NPHS1: variants seen among roughly 807,000 people sequenced by gnomAD.
NPHS1 encodes nephrin.
NPHS1 carries 107 observed loss-of-function variants against 139.7 expected under a neutral mutation model. That is an observed-to-expected ratio of 0.77 (90% CI 0.66 to 0.90). NPHS1 has a LOEUF of 0.90. Among genes scored for constraint, NPHS1 ranks in the 40% least tolerant of loss-of-function variants. The pLI is 0.00. For synonymous variants in NPHS1, 707 were observed against 706.6 expected (o/e 1.00, Z -0.01); for missense variants, 1,580 against 1,654.2 (o/e 0.96, Z 0.78).
chr19:35,833,921 C>A (rs1457735941), intron 23 of NPHS1, among the ~76,000 whole-genome samples: 1 of 152,096 alleles, frequency 6.6e-6, no homozygotes, highest in Non-Finnish European at 1.5e-5. Context: ...AGGTTTGTCT[C>A]CAACGTCTGG....
chr19:35,851,645 G>C lies in NPHS1; in HGVS notation c.86C>G (p.Ser29Cys). The C allele has an allele frequency of 6.2e-7, 1 of 1,613,790 alleles. No individual in the cohort carries two copies. Among genetic ancestry groups the C allele is most frequent in the Non-Finnish European group, 8.5e-7 (1 of 1,179,880 alleles). ...EGLAQLAIPA[S>C]VPRGFWALPE... is the part of the protein sequence containing the mutation. ...CAGGGCCCAGAAGCCCCGGGGAACG[G>C]AGGCAGGAATCGCCAACTGCGCCAG... Residue 29 changes from serine to cysteine, a missense_variant, in exon 2 of 29, where the codon TCC (serine) becomes TGC (cysteine). Physicochemically the swap from Ser to Cys is moderately radical, Grantham distance 112. Transcript: ENST00000378910.
At chr19:35,843,830 T>C in intron 16 of NPHS1, 1 of 650,432 alleles carries the variant, frequency 1.5e-6, no homozygotes, top group South Asian at 1.9e-5. Context: ...GAATTGTGTG[T>C]GTAGCAGGGC....
At chr19:35,843,738 G>A in intron 16 of NPHS1, 145 bp from the exon 17 acceptor site, 1 of 1,047,606 alleles carries the variant, frequency 9.5e-7, no homozygotes, top group Non-Finnish European at 1.4e-6. Flanking sequence ...AAGGGTTGGA[G>A]GAGAGTTCTC....
intron 16 of NPHS1, 163 bp from the exon 17 acceptor site, chr19:35,843,756 G>A (rs1354620686): frequency 4.6e-6 from 4 of 878,884 alleles, no homozygotes; most frequent in Admixed American, 2.7e-5. Context: ...CTCAAGGTTG[G>A]TGAGGTTGTC....
chr19:35,829,953 G>C (rs1972853776), intron 28 of NPHS1, among the ~76,000 whole-genome samples: 1 of 152,052 alleles, frequency 6.6e-6, no homozygotes, highest in Non-Finnish European at 1.5e-5. Flanking sequence ...TATGAGCCGT[G>C]ACCATGCCTA....
chr19:35,847,108 C>T (rs1973153959), intron 11 of NPHS1, among the ~76,000 whole-genome samples: 1 of 152,084 alleles, frequency 6.6e-6, no homozygotes, highest in South Asian at 2.1e-4. Flanking sequence ...TGCAGTGGCA[C>T]GATCTCGGCT....
At chr19:35,833,620 A>G (rs1972912828) in intron 23 of NPHS1, among the ~76,000 whole-genome samples, 1 of 152,228 alleles carries the variant, frequency 6.6e-6, no homozygotes, top group South Asian at 2.1e-4. Flanking sequence ...AGAGAGGGTG[A>G]GAAACAGATC....
rs753725398 is a variant in NPHS1 at position 35,848,143 on chromosome 19, A to C, written c.1338T>G (p.Ile446Met). 7 of 1,613,946 alleles carry C rather than the reference A, an allele frequency of 4.3e-6. No individual in the cohort carries two copies. The highest frequency in any genetic ancestry group is 4.0e-5 in the African/African-American group (3 of 74,912). ...NVKYPAQKLW[I>M]EGPPEGQKLR... ...GCTTCTGGCCCTCTGGGGGACCCTC[A>C]ATCCACAGTTTCTGGGCGGGATCTG... Residue 446 changes from isoleucine to methionine, a missense_variant, in exon 11 of 29, where the codon ATT becomes ATG. Physicochemically the swap from Ile to Met is conservative, Grantham distance 10. Transcript: ENST00000378910.
Position 35,849,313 on chromosome 19 carries a change from C to G in NPHS1, c.763G>C (p.Val255Leu). Residue 255 changes from valine (V) to leucine (L), a missense_variant, in exon 7 of 29, where the codon GTG (valine) becomes CTG (leucine). Val to Leu is a conservative substitution (Grantham distance 32). Coordinates refer to ENST00000378910, the MANE Select transcript of NPHS1 (RefSeq NM_004646.4). ...IEWPGLDEGH[V>L]RAGQSLELPC... is the part of the protein sequence containing the mutation. ...AGCTCCAAGCTCTGTCCTGCCCGCA[C>G]GTGCCCCTCATCCAGGCCTGGCCAC... 1.2e-6 allele frequency: 2 copies of G among 1,613,098 alleles called. No homozygotes were observed. The highest frequency in any genetic ancestry group is 1.7e-6 in the Non-Finnish European group (2 of 1,179,998).
chr19:35,831,550 C>T (rs1972884316), intron 24 of NPHS1, 50 bp from the exon 25 acceptor site: 1 of 1,613,288 alleles, frequency 6.2e-7, no homozygotes, highest in Non-Finnish European at 8.5e-7. Flanking sequence ...AAGCCCCCCA[C>T]CCCGGCCCCA....
At position 35,844,183 on chromosome 19, in the gene NPHS1, C is replaced by T. The variant is rs926025297; in HGVS notation, c.2132G>A (p.Arg711His). ...CAGCTGATAGAGGCCGTCGTCCGCG[C>T]GGGTCACATTCCACAGATGCAGAGC... ...SGALHLWNVT[R>H]ADDGLYQLHC... is the part of the protein sequence containing the mutation. Residue 711 changes from arginine to histidine, a missense_variant, in exon 16 of 29, where the codon CGC (arginine) becomes CAC (histidine). Arg to His is a conservative substitution (Grantham distance 29). Coordinates refer to ENST00000378910, the MANE Select transcript of NPHS1 (RefSeq NM_004646.4). 6.2e-7 allele frequency: 1 copy of T among 1,611,702 alleles called. No homozygotes were observed. The highest frequency in any genetic ancestry group is 8.5e-7 in the Non-Finnish European group (1 of 1,180,000).
intron 22 of NPHS1, among the ~76,000 whole-genome samples, chr19:35,838,273 C>A (rs375227038): frequency 1.4e-4 from 21 of 151,764 alleles, no homozygotes; most frequent in African/African-American, 4.8e-4. Context: ...CAAAAAGTGG[C>A]CAAGCGTGGT....
At position 35,845,696 on chromosome 19, in the gene NPHS1, T is replaced by C. The variant is rs1459146400; in HGVS notation, c.1730A>G (p.Asn577Ser). The C allele has an allele frequency of 6.2e-7, 1 of 1,613,982 alleles. No homozygotes were observed. The highest frequency in any genetic ancestry group is 8.5e-7 in the Non-Finnish European group (1 of 1,179,932). ...CTCCCCTTCCTTGTCCCAGGACAAG[T>C]TGACCGGCGGATTGCTGCTGACGCT... ...CVSVSSNPPV[N>S]LSWDKEGERL... The change falls in exon 13 of 29, where the codon AAC becomes AGC. Residue 577 changes from asparagine to serine, a missense_variant. Coordinates refer to ENST00000378910, the MANE Select transcript of NPHS1 (RefSeq NM_004646.4). This position sits in a 1 kb window ranked among gnomAD's most constrained non-coding sequence, Gnocchi z 5.5.
Position 35,844,175 on chromosome 19 carries a change from C to T in NPHS1, c.2140G>A (p.Asp714Asn), listed in dbSNP as rs373204089. 19 of 1,611,220 alleles carry T rather than the reference C, an allele frequency of 1.2e-5. 1 individual carries two copies. The highest frequency in any genetic ancestry group is 1.3e-5 in the African/African-American group (1 of 74,938). ...LHLWNVTRAD[D>N]GLYQLHCQNS... ...TGGCAGTGCAGCTGATAGAGGCCGT[C>T]GTCCGCGCGGGTCACATTCCACAGA... The change falls in exon 16 of 29, where the codon GAC (aspartate) becomes AAC (asparagine). Residue 714 changes from aspartate (D) to asparagine (N), a missense_variant. By Grantham distance (23) the Asp-to-Asn change is conservative (BLOSUM62 1). Transcript: ENST00000378910.
chr19:35,826,424 T>C lies in NPHS1; in HGVS notation c.*90A>G, dbSNP rs959528681. On this transcript the variant is annotated 3_prime_UTR_variant, in exon 29 of 29. Coordinates refer to ENST00000378910, the MANE Select transcript of NPHS1 (RefSeq NM_004646.4). ...CAAGTCCCTTTGGGTTTTATGGAGC[T>C]CACCTAACCAGCTCGGCCCAGGCTG... The C allele has an allele frequency of 6.6e-6, 10 of 1,515,896 alleles. No individual in the cohort carries two copies. The Admixed American group carries it at 1.7e-4, about 25-fold the overall frequency. 93.9% of individuals were successfully genotyped at this position (1,515,896 alleles called of 1,614,324 possible).
intron 28 of NPHS1, among the ~76,000 whole-genome samples, chr19:35,827,940 T>G (rs1323916444): frequency 3.9e-5 from 6 of 152,004 alleles, no homozygotes; most frequent in Non-Finnish European, 8.8e-5. Flanking sequence ...TAAATAAAAT[T>G]TTTAAAAATG....
In NPHS1 at chr19:35,851,630, A is replaced by G. The variant is rs771678437; in HGVS notation, c.101T>C (p.Phe34Ser). The G allele has an allele frequency of 6.2e-7, 1 of 1,613,970 alleles. No individual in the cohort carries two copies. The highest frequency in any genetic ancestry group is 8.5e-7 in the Non-Finnish European group (1 of 1,179,948). The change falls in exon 2 of 29, where the codon TTC becomes TCC. Residue 34 changes from phenylalanine (F) to serine (S), a missense_variant. Transcript: ENST00000378910. Reference protein sequence around the residue: ...LAIPASVPRGFWALPENLTVV... With the variant: ...LAIPASVPRGSWALPENLTVV... ...CGTCAGGTTTTCAGGCAGGGCCCAGAAGCCCCGGGGAACGGAGGCAGGAAT... is the reference window on the plus strand; with the variant it reads ...CGTCAGGTTTTCAGGCAGGGCCCAGGAGCCCCGGGGAACGGAGGCAGGAAT...
chr19:35,848,733 T>G lies in NPHS1; in HGVS notation c.1074A>C (p.Thr358=). ...GACTGGACTTGCTGACACAGGAGAG[T>G]GTCACGTTCTTGTTCTCAGTCTGGG... ...SASQTENKNV[T]LSCVSKSSRP... is the part of the protein sequence containing the mutation. Residue 358 remains threonine (T), a synonymous_variant, in exon 9 of 29, where the codon ACA becomes ACC. Transcript: ENST00000378910. The G allele has an allele frequency of 3.7e-6, 6 of 1,613,864 alleles. No individual in the cohort carries two copies. Among genetic ancestry groups the G allele is most frequent in the Non-Finnish European group, 5.1e-6 (6 of 1,179,990 alleles).
In NPHS1 at chr19:35,848,079, T is replaced by C. The variant is rs1158944739; in HGVS notation, c.1402A>G (p.Ile468Val). Residue 468 changes from isoleucine (I) to valine (V), a missense_variant, in exon 11 of 29, where the codon ATC becomes GTC. Coordinates refer to ENST00000378910, the MANE Select transcript of NPHS1 (RefSeq NM_004646.4). ...AGGGAGGGCTCTGGGTTGCCCCCGA[T>C]AGCCAAACACACCAGCCTCACCCGG... ...GTRVRLVCLA[I>V]GGNPEPSLMW... 3 of 1,613,972 alleles carry C rather than the reference T, an allele frequency of 1.9e-6. No homozygotes were observed. Among genetic ancestry groups the C allele is most frequent in the Admixed American group, 1.7e-5 (1 of 60,014 alleles).
Sources: gnomAD v4.1 joint callset for allele counts (sites outside exome capture counted in the v4.1 genomes callset) on GRCh38, gnomAD v4.1.1 for gene constraint, Gnocchi (gnomAD v3.1) non-coding constraint, MANE v1.5 for transcripts, NCBI Gene and HGNC (gene_info 2026-07-23, HGNC 2026-07-21) for gene names.